The following MYO1H variants were observed in gnomAD, a reference collection of about 807,000 sequenced individuals.
The protein encoded by MYO1H is unconventional myosin-Ih.
Under a neutral mutation model 149.3 loss-of-function variants are expected in MYO1H, and 118 were observed. That is an observed-to-expected ratio of 0.79 (90% CI 0.68 to 0.92). The LOEUF (loss-of-function observed/expected upper bound fraction) is 0.92, where lower values mean the gene tolerates loss of function less well. Ranked by LOEUF, MYO1H falls within the 40% of genes least tolerant of loss-of-function variation. MYO1H has a pLI of 0.00. For synonymous variants in MYO1H, 447 were observed against 465.2 expected, an observed-to-expected ratio of 0.96 and a Z score of 0.50; for missense variants, 1,212 against 1,280.7, an observed-to-expected ratio of 0.95 and a Z score of 0.82.
chr12:109,365,091 T>TG (rs1420612097), intron 1 of MYO1H, among the ~76,000 whole-genome samples: 1 of 151,912 alleles, frequency 6.6e-6, no homozygotes, highest in African/African-American at 2.4e-5. Context: ...GGCAACATAG[T>TG]AAGACATTGT....
intron 1 of MYO1H, among the ~76,000 whole-genome samples, chr12:109,382,907 T>C (rs914557754): frequency 2.0e-5 from 3 of 148,158 alleles, no homozygotes; most frequent in African/African-American, 7.3e-5. Context: ...TAAATAAATA[T>C]ATAAATATAT....
At chr12:109,322,881 G>A in the MYO1H span, among the ~76,000 whole-genome samples, 1 of 150,966 alleles carries the variant, frequency 6.6e-6, no homozygotes. Context: ...GGCCGAGGCA[G>A]GCAGATCACG....
At chr12:109,409,347 A>C (rs1870563971) in intron 10 of MYO1H, among the ~76,000 whole-genome samples, 1 of 143,162 alleles carries the variant, frequency 7.0e-6, no homozygotes, top group African/African-American at 2.6e-5. Flanking sequence ...GTCTGACTAC[A>C]CAGGTGATGG....
chr12:109,337,317 C>T, the MYO1H span, among the ~76,000 whole-genome samples: 1 of 152,140 alleles, frequency 6.6e-6, no homozygotes, highest in Non-Finnish European at 1.5e-5. Context: ...TAATGGCATG[C>T]CCACTCCCGG....
chr12:109,318,978 T>TTTGTTTTTG, the MYO1H span, among the ~76,000 whole-genome samples: 6 of 111,640 alleles, frequency 5.4e-5, no homozygotes, highest in Non-Finnish European at 7.6e-5. Context: ...TTTTGTTTTT[T>TTTGTTTTTG]TTTTTTTTTT....
rs184189685 is a variant in MYO1H, at chr12:109,433,052, A to G, written c.2063+42A>G. On this transcript the variant is annotated intron_variant, in intron 20 of 31. Transcript: ENST00000310903. ...CCACCAAATGGTCTCTTCCCTTGACATCAAAGGGTTTTGTGCATTGATCCG... is the reference window on the plus strand; with the variant it reads ...CCACCAAATGGTCTCTTCCCTTGACGTCAAAGGGTTTTGTGCATTGATCCG... 6.1e-5 allele frequency: 92 copies of G among 1,508,408 alleles called. 2 individuals are homozygous for G. In the Admixed American group the frequency reaches 1.4e-3, roughly 24 times the overall value. 93.4% of individuals were successfully genotyped at this position (1,508,408 alleles called of 1,614,324 possible).
intron 21 of MYO1H, 36 bp downstream of exon 21, chr12:109,435,149 T>C: frequency 7.2e-7 from 1 of 1,384,990 alleles, no homozygotes; most frequent in Admixed American, 1.9e-5. Context: ...TTCAATAGAA[T>C]ATGAAATGAA....
At chr12:109,423,788 T>C (rs1871262757) in intron 16 of MYO1H, among the ~76,000 whole-genome samples, 1 of 152,254 alleles carries the variant, frequency 6.6e-6, no homozygotes, top group Admixed American at 6.5e-5. Flanking sequence ...TGTTGTGGAA[T>C]ATGTCAGAAT....
chr12:109,399,591 C>CAA (rs34417905), intron 5 of MYO1H, among the ~76,000 whole-genome samples: 2,467 of 70,274 alleles, frequency 0.035, 89 homozygotes, highest in Middle Eastern at 0.056. Flanking sequence ...GACTCTGTCT[C>CAA]AAAAAAAAAA....
chr12:109,426,104 A>G, intron 18 of MYO1H, 53 bp downstream of exon 18: 1 of 1,342,278 alleles, frequency 7.5e-7, no homozygotes, highest in Non-Finnish European at 1.1e-6. Context: ...CTGGGAGCCA[A>G]AGCAAGGTGG....
chr12:109,333,479 T>C, the MYO1H span, among the ~76,000 whole-genome samples: 1 of 152,128 alleles, frequency 6.6e-6, no homozygotes, highest in Non-Finnish European at 1.5e-5. Flanking sequence ...CAGTCTCCTC[T>C]AAGGTTCTTT....
chr12:109,356,264 T>G (rs1358660848), intron 1 of MYO1H, among the ~76,000 whole-genome samples: 2 of 152,220 alleles, frequency 1.3e-5, no homozygotes, highest in African/African-American at 4.8e-5. Flanking sequence ...ATTGTCAATA[T>G]CCAATTTCTA....
upstream of MYO1H, among the ~76,000 whole-genome samples, chr12:109,345,500 A>G (rs778715088): frequency 6.6e-6 from 1 of 152,188 alleles, no homozygotes; most frequent in Non-Finnish European, 1.5e-5. Context: ...AACCTCATAC[A>G]TTCTTGGTGG....
chr12:109,393,555 C>CCATCCATCCATT, intron 3 of MYO1H, 109 bp downstream of exon 3: 1 of 642,710 alleles, frequency 1.6e-6, no homozygotes, highest in Non-Finnish European at 2.8e-6. Flanking sequence ...ATCCATCCAT[C>CCATCCATCCATT]CATCCATCCA....
chr12:109,393,515 C>T (rs993931076), intron 3 of MYO1H, 69 bp downstream of exon 3: 12 of 970,512 alleles, frequency 1.2e-5, no homozygotes, highest in Non-Finnish European at 1.8e-5. Context: ...CTCCTTCCTT[C>T]TCACCACGCA....
intron 1 of MYO1H, among the ~76,000 whole-genome samples, chr12:109,356,778 GTGA>G (rs1868616133): frequency 6.6e-6 from 1 of 152,158 alleles, no homozygotes. Flanking sequence ...GCATTCAGTG[GTGA>G]TTAAGAGGCT....
chr12:109,341,047 A>C, the MYO1H span, among the ~76,000 whole-genome samples: 1 of 151,932 alleles, frequency 6.6e-6, no homozygotes, highest in East Asian at 1.9e-4. Flanking sequence ...AATTAGCCAT[A>C]TGTGGTGGCG....
chr12:109,326,056 T>G, the MYO1H span, among the ~76,000 whole-genome samples: 3 of 152,184 alleles, frequency 2.0e-5, no homozygotes, highest in African/African-American at 7.2e-5. Context: ...AGGCCCTGTC[T>G]AGAAGATATT....
At chr12:109,408,041 C>T (rs1870479430) in intron 10 of MYO1H, 128 bp downstream of exon 10, 1 of 1,170,434 alleles carries the variant, frequency 8.5e-7, no homozygotes, top group Non-Finnish European at 1.2e-6. Flanking sequence ...GGTGTCTTTC[C>T]CTATTCACAT....
Sources: gnomAD v4.1 joint callset for allele counts (sites outside exome capture counted in the v4.1 genomes callset) on GRCh38, gnomAD v4.1.1 for gene constraint, MANE v1.5 for transcripts, NCBI Gene and HGNC (gene_info 2026-07-23, HGNC 2026-07-21) for gene names.